STK4: variants seen among roughly 807,000 people sequenced by gnomAD.
STK4 encodes the protein serine/threonine-protein kinase 4.
In STK4, 30 loss-of-function variants were observed where a neutral mutation model predicts 64.9. The ratio of observed to expected loss-of-function variants is 0.46; its 90% CI spans 0.35 to 0.63. The LOEUF (loss-of-function observed/expected upper bound fraction) is 0.63, where lower values mean the gene tolerates loss of function less well. Among genes scored for constraint, STK4 ranks in the 20% least tolerant of loss-of-function variants. The pLI, the probability that STK4 is intolerant of heterozygous loss-of-function variation, is 0.01. For synonymous variants in STK4, 177 were observed against 199.0 expected, an observed-to-expected ratio of 0.89 and a Z score of 0.93; for missense variants, 466 against 598.5, an observed-to-expected ratio of 0.78 and a Z score of 2.31.
At chr20:45,053,181 G>T in intron 10 of STK4, 1 of 1,608,600 alleles carries the variant, frequency 6.2e-7, no homozygotes, top group Non-Finnish European at 8.5e-7. Flanking sequence ...AAACCACATG[G>T]TAAATGAATG....
intron 10 of STK4, among the ~76,000 whole-genome samples, chr20:45,050,096 G>A (rs2068754386): frequency 6.6e-6 from 1 of 152,132 alleles, no homozygotes; most frequent in South Asian, 2.1e-4. Flanking sequence ...TCAGAGTAAG[G>A]GGATCTTCCT....
Position 45,003,202 on chromosome 20 carries a change from A to G in STK4, c.1147+1849A>G, listed in dbSNP as rs146779418. ...TTTTTTGTAGAGACAGGGTCTTGCT[A>G]TGATGCCCAGGCTGGTTTTGGGCTC... On this transcript the variant is annotated intron_variant, in intron 9 of 10. Transcript: ENST00000372806. Among the ~76,000 whole-genome samples, 724 of 152,174 alleles carry G rather than the reference A, an allele frequency of 4.8e-3. 7 individuals carry two copies. Among genetic ancestry groups the G allele is most frequent in the African/African-American group, 0.017 (693 of 41,532 alleles).
At chr20:45,051,189 G>T (rs1769470153) in intron 10 of STK4, among the ~76,000 whole-genome samples, 1 of 152,164 alleles carries the variant, frequency 6.6e-6, no homozygotes, top group Non-Finnish European at 1.5e-5. Context: ...TACAGAATTT[G>T]ATCCAAAGTA....
intron 9 of STK4, among the ~76,000 whole-genome samples, chr20:45,022,981 C>T (rs2145376499): frequency 6.6e-6 from 1 of 152,244 alleles, no homozygotes; most frequent in East Asian, 1.9e-4. Flanking sequence ...GTGTGTATTT[C>T]CTAAGAAAGA....
At chr20:45,011,708 CATATATAT>C (rs749788988) in intron 9 of STK4, among the ~76,000 whole-genome samples, 16 of 86,884 alleles carry the variant, frequency 1.8e-4, no homozygotes, top group African/African-American at 8.1e-4. Context: ...GTAGAACATA[CATATATAT>C]ATATATATAT....
intron 4 of STK4, among the ~76,000 whole-genome samples, chr20:44,986,331 A>G (rs1314705684): frequency 2.0e-5 from 3 of 152,222 alleles, no homozygotes; most frequent in South Asian, 2.1e-4. Context: ...CTGGATAGAC[A>G]TCAGGATGAA....
Position 45,011,740 on chromosome 20 carries a change from T to A in STK4, c.1147+10387T>A, listed in dbSNP as rs1379134955. On this transcript the variant is annotated intron_variant, in intron 9 of 10. Coordinates refer to ENST00000372806, the MANE Select transcript of STK4 (RefSeq NM_006282.5). The stretch of plus-strand genomic sequence containing the variant: ...ATATATATATATATATTTTTTTTTT[T>A]TTTTTTAAGTCAAGTTGTTGGGAGC... 3.1e-3 allele frequency among the ~76,000 whole-genome samples: 431 copies of A among 138,004 alleles called. 3 individuals are homozygous for A. Among genetic ancestry groups the A allele is most frequent in the African/African-American group, 7.4e-3 (265 of 36,032 alleles). 90.5% of individuals were successfully genotyped at this position (138,004 alleles called of 152,430 possible). A position where few individuals can be genotyped will look rare whatever the true frequency, so the allele number is the denominator to read the frequency against.
At chr20:44,999,675 G>A (rs1291040020) in intron 7 of STK4, among the ~76,000 whole-genome samples, 1 of 152,112 alleles carries the variant, frequency 6.6e-6, no homozygotes, top group African/African-American at 2.4e-5. Flanking sequence ...AAGTATCTTT[G>A]GTGATTGAAT....
At chr20:45,026,348 T>TGTGC (rs995303278) in intron 10 of STK4, among the ~76,000 whole-genome samples, 6 of 150,886 alleles carry the variant, frequency 4.0e-5, no homozygotes, top group African/African-American at 1.5e-4. Context: ...TGTGTGTGTG[T>TGTGC]GCATAGTTTT....
Position 44,981,901 on chromosome 20 carries a change from G to T in STK4, c.318G>T (p.Gly106=). ...TATGGATCGTTATGGAGTACTGTGG[G>T]GCTGGTTCTGTATCTGATATCATTC... ...TDLWIVMEYC[G]AGSVSDIIRL... The change falls in exon 4 of 11, where the codon GGG becomes GGT. Residue 106 remains glycine (G), a synonymous_variant. Coordinates refer to ENST00000372806, the MANE Select transcript of STK4 (RefSeq NM_006282.5). The T allele has an allele frequency of 4.3e-6, 7 of 1,613,970 alleles. No homozygotes were observed. The highest frequency in any genetic ancestry group is 5.9e-6 in the Non-Finnish European group (7 of 1,179,958).
chr20:44,983,518 G>A (rs1437150152), intron 4 of STK4, among the ~76,000 whole-genome samples: 1 of 152,146 alleles, frequency 6.6e-6, no homozygotes, highest in African/African-American at 2.4e-5. Flanking sequence ...GGTGTGATGG[G>A]GGTTGAAGTG....
At chr20:45,028,369 C>G (rs2068389987) in intron 10 of STK4, among the ~76,000 whole-genome samples, 1 of 150,986 alleles carries the variant, frequency 6.6e-6, no homozygotes, top group African/African-American at 2.4e-5. Flanking sequence ...CTTATTCTCC[C>G]AGGCTGGAGT....
At chr20:44,987,980 TA>T (rs895371381) in intron 5 of STK4, among the ~76,000 whole-genome samples, 56 of 151,832 alleles carry the variant, frequency 3.7e-4, no homozygotes, top group Admixed American at 8.5e-4. Context: ...TTTTTTTTAT[TA>T]TTTTTTTTTT....
chr20:45,027,628 T>G (rs572771552), intron 10 of STK4, among the ~76,000 whole-genome samples: 6 of 152,300 alleles, frequency 3.9e-5, no homozygotes, highest in Admixed American at 3.3e-4. Context: ...TTGGGAACAT[T>G]ATAAATCTTC....
chr20:45,064,793 A>C (rs76989271), intron 10 of STK4, among the ~76,000 whole-genome samples: 1 of 152,170 alleles, frequency 6.6e-6, no homozygotes, highest in Non-Finnish European at 1.5e-5. Context: ...ATTTTTGTAC[A>C]TTGATTTTAT....
chr20:44,982,791 T>C (rs537915890), intron 4 of STK4, among the ~76,000 whole-genome samples: 1 of 152,142 alleles, frequency 6.6e-6, no homozygotes, highest in South Asian at 2.1e-4. Flanking sequence ...TAATAGTAAA[T>C]AAAACAGATG....
chr20:45,053,018 A>T, intron 10 of STK4: 3 of 1,238,624 alleles, frequency 2.4e-6, no homozygotes, highest in Non-Finnish European at 3.5e-6. Flanking sequence ...AGCTTGGTTT[A>T]AAGTATGTTG....
chr20:45,060,108 T>A (rs1166443232), intron 10 of STK4, among the ~76,000 whole-genome samples: 1 of 152,112 alleles, frequency 6.6e-6, no homozygotes, highest in Non-Finnish European at 1.5e-5. Flanking sequence ...AGGTCCTACT[T>A]TAGTAAAAGA....
chr20:45,071,236 G>C (rs1406363716), intron 10 of STK4, among the ~76,000 whole-genome samples: 1 of 152,228 alleles, frequency 6.6e-6, no homozygotes, highest in Non-Finnish European at 1.5e-5. Context: ...CGTGAAAACA[G>C]CTCAAGCTAC....
Sources: gnomAD v4.1 joint callset for allele counts (sites outside exome capture counted in the v4.1 genomes callset) on GRCh38, gnomAD v4.1.1 for gene constraint, MANE v1.5 for transcripts, NCBI Gene and HGNC (gene_info 2026-07-23, HGNC 2026-07-21) for gene names.